Variants in WTIP observed in about 807,000 individuals in gnomAD.
WTIP encodes the protein WT1 interacting protein, also known as Wilms tumor protein 1-interacting protein.
Under a neutral mutation model 41.7 loss-of-function variants are expected in WTIP, and 23 were observed. The observed-to-expected ratio is 0.55, with a 90% confidence interval of 0.40 to 0.78. The LOEUF is 0.78. Ranked by LOEUF, WTIP falls within the 30% of genes least tolerant of loss-of-function variation. The pLI is 0.00. For missense variants in WTIP, 619 were observed against 610.5 expected, an observed-to-expected ratio of 1.01 and a Z score of -0.15; for synonymous variants, 314 against 269.9, an observed-to-expected ratio of 1.16 and a Z score of -1.60.
At position 34,508,874 on chromosome 19, in the gene WTIP, CCCTCCTTTTCAAAAAAGT is replaced by C. The variant is rs1441265385; in HGVS notation, c.*8606_*8623del. The stretch of plus-strand genomic sequence containing the variant: ...AAACATTTTCTGTGCAAGGACCTTG[CCCTCCTTTTCAAAAAAGT>C]AAGTATGACTCCCACATGAAAATTT... On this transcript the variant is annotated 3_prime_UTR_variant, in exon 8 of 8. Coordinates refer to ENST00000590071, the MANE Select transcript of WTIP (RefSeq NM_001080436.2). 6.6e-6 allele frequency: 1 copy of C among 152,180 alleles called. No individual in the cohort carries two copies. Among genetic ancestry groups the C allele is most frequent in the Non-Finnish European group, 1.5e-5 (1 of 68,042 alleles). The allele number at this position is 152,180 out of a possible 1,614,324, so 9.4% of individuals were successfully genotyped here.
At position 34,506,950 on chromosome 19, in the gene WTIP, G is replaced by C. The variant is rs903900237; in HGVS notation, c.*6681G>C. On this transcript the variant is annotated 3_prime_UTR_variant, in exon 8 of 8. Coordinates refer to ENST00000590071, the MANE Select transcript of WTIP (RefSeq NM_001080436.2). ...AATTGTGTTCAGCCTGGCCGGGCGC[G>C]GTGGCTCACGCCTGTAATCCCAGCA... is the stretch of plus-strand genomic sequence containing the variant. 1.3e-5 allele frequency: 2 copies of C among 151,892 alleles called. No homozygotes were observed. The allele number at this position is 151,892 out of a possible 1,614,324, so 9.4% of individuals were successfully genotyped here.
chr19:34,507,720 A>T lies in WTIP; in HGVS notation c.*7451A>T, dbSNP rs1348088786. On this transcript the variant is annotated 3_prime_UTR_variant, in exon 8 of 8. Coordinates refer to ENST00000590071, the MANE Select transcript of WTIP (RefSeq NM_001080436.2). ...GTGAGTCATTGCATTATAGACTTGG[A>T]CTAGGTGGATGCTATTTTTCATGGT... 1.3e-5 allele frequency: 2 copies of T among 152,234 alleles called. No homozygotes were observed. The highest frequency in any genetic ancestry group is 2.4e-5 in the African/African-American group (1 of 41,414). 9.4% of individuals were successfully genotyped at this position (152,234 alleles called of 1,614,324 possible). A position where few individuals can be genotyped will look rare whatever the true frequency, so the allele number is the denominator to read the frequency against.
rs992827660 is a variant in WTIP at position 34,509,322 on chromosome 19, C to T, written c.*9053C>T. 6.6e-6 allele frequency: 1 copy of T among 152,178 alleles called. No individual in the cohort carries two copies. Among genetic ancestry groups the T allele is most frequent in the Non-Finnish European group, 1.5e-5 (1 of 68,024 alleles). The allele number at this position is 152,178 out of a possible 1,614,324, so 9.4% of individuals were successfully genotyped here. ...CTCCCACATGGCTGGGGAGGCCTCC[C>T]ACCAAAAGGCACTTTCATGGTGGCG... On this transcript the variant is annotated 3_prime_UTR_variant, in exon 8 of 8. Transcript: ENST00000590071.
At chr19:34,499,595 C>A (rs1391190423) in intron 7 of WTIP, among the ~76,000 whole-genome samples, 1 of 152,198 alleles carries the variant, frequency 6.6e-6, no homozygotes, top group Non-Finnish European at 1.5e-5. Context: ...CCTCTCCCCG[C>A]AGTCTGACTT....
rs1413938042 is a variant in WTIP at position 34,483,170 on chromosome 19, TTTC to T, written c.667+538_667+540del. On this transcript the variant is annotated intron_variant, in intron 1 of 7. Coordinates refer to ENST00000590071, the MANE Select transcript of WTIP (RefSeq NM_001080436.2). ...CAGGTGCACACCACCATGCCCAGCT[TTTC>T]TTCTTCTTACTTTTTTTTTTTTTTT... 4.4e-4 allele frequency among the ~76,000 whole-genome samples: 59 copies of T among 135,058 alleles called. No homozygotes were observed. The South Asian group carries it at 5.0e-3, about 11-fold the overall frequency. 88.6% of individuals were successfully genotyped at this position (135,058 alleles called of 152,430 possible).
In WTIP at chr19:34,482,009, C is replaced by A. The variant is rs1268662901; in HGVS notation, c.35C>A (p.Ala12Asp). 9.8e-7 allele frequency: 1 copy of A among 1,020,424 alleles called. No homozygotes were observed. The highest frequency in any genetic ancestry group is 1.2e-6 in the Non-Finnish European group (1 of 854,122). The allele number at this position is 1,020,424 out of a possible 1,614,324, so 63.2% of individuals were successfully genotyped here. A position where few individuals can be genotyped will look rare whatever the true frequency, so the allele number is the denominator to read the frequency against. The change falls in exon 1 of 8, where the codon GCC (alanine) becomes GAC (aspartate). Residue 12 changes from alanine to aspartate, a missense_variant. Ala to Asp is a moderately radical substitution (Grantham distance 126). Transcript: ENST00000590071. ...TCCAGGGCGGGCGCGGACGAGGCGGCCCTACTCCTGGCCGGGCTGGCCCTG... is the reference window on the plus strand; with the variant it reads ...TCCAGGGCGGGCGCGGACGAGGCGGACCTACTCCTGGCCGGGCTGGCCCTG... ...QRSRAGADEAALLLAGLALRE... is the reference protein window; with the variant it reads ...QRSRAGADEADLLLAGLALRE...
chr19:34,502,193 C>A lies in WTIP; in HGVS notation c.*1924C>A, dbSNP rs978201081. The A allele has an allele frequency of 6.7e-6, 1 of 150,000 alleles. No individual in the cohort carries two copies. The highest frequency in any genetic ancestry group is 2.5e-5 in the African/African-American group (1 of 40,544). The allele number at this position is 150,000 out of a possible 1,614,324, so 9.3% of individuals were successfully genotyped here. A position where few individuals can be genotyped will look rare whatever the true frequency, so the allele number is the denominator to read the frequency against. On this transcript the variant is annotated 3_prime_UTR_variant, in exon 8 of 8. Coordinates refer to ENST00000590071, the MANE Select transcript of WTIP (RefSeq NM_001080436.2). ...GGTCTCCAACTGCTGACCTCAGGGG[C>A]GATCCACCCACCTCAGCCTCCCAAA...
chr19:34,482,798 G>C (rs909394241), intron 1 of WTIP, 157 bp downstream of exon 1: 2 of 984,214 alleles, frequency 2.0e-6, no homozygotes, highest in African/African-American at 3.5e-5. Flanking sequence ...GCATCCCCTG[G>C]GGACTGGGGA....
Position 34,482,259 on chromosome 19 carries a change from G to C in WTIP, c.285G>C (p.Gly95=). 1 of 1,285,806 alleles carries C rather than the reference G, an allele frequency of 7.8e-7. No individual in the cohort carries two copies. The highest frequency in any genetic ancestry group is 9.9e-7 in the Non-Finnish European group (1 of 1,009,634). The allele number at this position is 1,285,806 out of a possible 1,614,324, so 79.6% of individuals were successfully genotyped here. A position where few individuals can be genotyped will look rare whatever the true frequency, so the allele number is the denominator to read the frequency against. ...PAGSPRASLA[G]SDGGGGGGSA... ...GCAGCCCACGGGCCAGCCTGGCGGG[G>C]TCCGACGGCGGCGGCGGTGGCGGCA... is the stretch of plus-strand genomic sequence containing the variant. Residue 95 remains glycine (G), a synonymous_variant, in exon 1 of 8, where the codon GGG becomes GGC. Coordinates refer to ENST00000590071, the MANE Select transcript of WTIP (RefSeq NM_001080436.2).
At chr19:34,486,760 A>C (rs1434562461) in intron 1 of WTIP, among the ~76,000 whole-genome samples, 1 of 152,072 alleles carries the variant, frequency 6.6e-6, no homozygotes, top group Non-Finnish European at 1.5e-5. Flanking sequence ...TCTTGAGGTC[A>C]GCAGTTGTAG....
intron 7 of WTIP, among the ~76,000 whole-genome samples, chr19:34,498,339 A>G (rs952562921): frequency 7.9e-5 from 12 of 151,938 alleles, no homozygotes; most frequent in African/African-American, 2.9e-4. Flanking sequence ...TGCTCCAGGG[A>G]CCCCTGTGTG....
At chr19:34,492,272 G>A (rs1055875095) in intron 2 of WTIP, among the ~76,000 whole-genome samples, 4 of 149,014 alleles carry the variant, frequency 2.7e-5, no homozygotes, top group African/African-American at 7.4e-5. Context: ...GTACCACCAC[G>A]ACTGGCTAAT....
chr19:34,502,254 CTTT>C lies in WTIP; in HGVS notation c.*2002_*2004del, dbSNP rs35441081. The C allele has an allele frequency of 5.6e-3, 612 of 110,054 alleles. 1 individual carries two copies. Among genetic ancestry groups the C allele is most frequent in the African/African-American group, 0.018 (462 of 25,712 alleles). 6.8% of individuals were successfully genotyped at this position (110,054 alleles called of 1,614,324 possible). On this transcript the variant is annotated 3_prime_UTR_variant, in exon 8 of 8. Transcript: ENST00000590071. ...TACAGGTGTGTACCACTGTGCCCGG[CTTT>C]TTTTTTTTTTTTTTTTGAGACAGGG... is the stretch of plus-strand genomic sequence containing the variant.
chr19:34,490,490 G>T lies in WTIP; in HGVS notation c.769+13G>T. On this transcript the variant is annotated intron_variant, in intron 2 of 7. Transcript: ENST00000590071. ...TGCGACTCGTGTGGTAGGTAACCTC[G>T]TGCCCTGGGTAGCTCTGTGAAGGGG... The T allele has an allele frequency of 6.2e-7, 1 of 1,612,372 alleles. No homozygotes were observed. The highest frequency in any genetic ancestry group is 8.5e-7 in the Non-Finnish European group (1 of 1,178,642).
Position 34,508,700 on chromosome 19 carries a change from C to T in WTIP, c.*8431C>T, listed in dbSNP as rs914967728. The stretch of plus-strand genomic sequence containing the variant: ...GCTCCCGCCAGGCCTCTCCCCCTGC[C>T]TTCTGGGACTGGAAGTTCCTAGGAG... On this transcript the variant is annotated 3_prime_UTR_variant, in exon 8 of 8. Transcript: ENST00000590071. 1 of 152,460 alleles carries T rather than the reference C, an allele frequency of 6.6e-6. No homozygotes were observed. Among genetic ancestry groups the T allele is most frequent in the Admixed American group, 6.5e-5 (1 of 15,292 alleles). The allele number at this position is 152,460 out of a possible 1,614,324, so 9.4% of individuals were successfully genotyped here.
At position 34,493,411 on chromosome 19, in the gene WTIP, AGGG is replaced by A; in HGVS notation, c.901-79_901-77del. 1 of 1,595,156 alleles carries A rather than the reference AGGG, an allele frequency of 6.3e-7. No individual in the cohort carries two copies. Among genetic ancestry groups the A allele is most frequent in the Non-Finnish European group, 8.5e-7 (1 of 1,171,560 alleles). On this transcript the variant is annotated intron_variant, in intron 4 of 7. Coordinates refer to ENST00000590071, the MANE Select transcript of WTIP (RefSeq NM_001080436.2). This position sits in a 1 kb window ranked among gnomAD's most constrained non-coding sequence, Gnocchi z 4.1. ...CCGTCTCCCCTGCTCCAGACCTGCC[AGGG>A]GTTCAGGGCCAGAGCCTCTCCCAGG...
intron 1 of WTIP, among the ~76,000 whole-genome samples, chr19:34,486,899 C>G (rs2075800709): frequency 6.6e-6 from 1 of 151,452 alleles, no homozygotes; most frequent in Non-Finnish European, 1.5e-5. Context: ...TTCAGTTCTC[C>G]TCTTTTCATT....
intron 1 of WTIP, among the ~76,000 whole-genome samples, chr19:34,486,966 T>G (rs2075801086): frequency 6.6e-6 from 1 of 151,620 alleles, no homozygotes; most frequent in Non-Finnish European, 1.5e-5. Context: ...GATCTAGCTC[T>G]GTTGCCAGGC....
At position 34,510,531 on chromosome 19, in the gene WTIP, G is replaced by A. The variant is rs1354063396; in HGVS notation, c.*10262G>A. 1 of 152,170 alleles carries A rather than the reference G, an allele frequency of 6.6e-6. No individual in the cohort carries two copies. The highest frequency in any genetic ancestry group is 2.4e-5 in the African/African-American group (1 of 41,428). The allele number at this position is 152,170 out of a possible 1,614,324, so 9.4% of individuals were successfully genotyped here. A position where few individuals can be genotyped will look rare whatever the true frequency, so the allele number is the denominator to read the frequency against. The stretch of plus-strand genomic sequence containing the variant: ...GATGGGAAGACCAATGACATGCCCT[G>A]GAGACATTTTCCCCATTGTCTTGGG... On this transcript the variant is annotated 3_prime_UTR_variant, in exon 8 of 8. Transcript: ENST00000590071.
Sources: allele counts gnomAD v4.1 joint callset (sites outside exome capture counted in the v4.1 genomes callset), GRCh38; gene constraint gnomAD v4.1.1; non-coding constraint Gnocchi (gnomAD v3.1); transcripts MANE v1.5; gene names NCBI Gene and HGNC (gene_info 2026-07-23, HGNC 2026-07-21).